The following ESR1 variants were observed in gnomAD, a reference collection of about 807,000 sequenced individuals.
ESR1 encodes the protein estrogen receptor.
Under a neutral mutation model 52.7 loss-of-function variants are expected in ESR1, and 12 were observed. The ratio of observed to expected loss-of-function variants is 0.23; its 90% CI spans 0.15 to 0.37. The LOEUF is 0.37. Ranked by LOEUF, ESR1 falls within the 10% of genes least tolerant of loss-of-function variation. The pLI, the probability that ESR1 is intolerant of heterozygous loss-of-function variation, is 1.00. For missense variants in ESR1, 584 were observed against 779.7 expected, an observed-to-expected ratio of 0.75 and a Z score of 2.99; for synonymous variants, 305 against 316.8, an observed-to-expected ratio of 0.96 and a Z score of 0.39.
At chr6:152,114,091 C>G (rs2051179043) in intron 6 of ESR1, among the ~76,000 whole-genome samples, 1 of 152,160 alleles carries the variant, frequency 6.6e-6, no homozygotes, top group African/African-American at 2.4e-5. Flanking sequence ...AACTGAGCCC[C>G]GTGCCCAAGC....
At chr6:151,952,711 G>T (rs949934894) in intron 4 of ESR1, among the ~76,000 whole-genome samples, 3 of 152,146 alleles carry the variant, frequency 2.0e-5, no homozygotes, top group Non-Finnish European at 4.4e-5. Flanking sequence ...GTTGCTGGAT[G>T]ATGAGTTTAT....
At position 151,929,130 on chromosome 6, in the gene ESR1, A is replaced by C. The variant is rs117254990; in HGVS notation, c.761-15043A>C. Reference sequence around the variant, plus strand: ...CTGTATTAATTTTCTGCCTGCTTGCACTAGCAATTACTGACAGCGGAATGG... The same window carrying C: ...CTGTATTAATTTTCTGCCTGCTTGCCCTAGCAATTACTGACAGCGGAATGG... On this transcript the variant is annotated intron_variant, in intron 3 of 7. Transcript: ENST00000206249. 4.9e-3 allele frequency among the ~76,000 whole-genome samples: 746 copies of C among 152,300 alleles called. 2 individuals carry two copies. The highest frequency in any genetic ancestry group is 8.5e-3 in the Non-Finnish European group (580 of 68,016).
chr6:151,699,316 A>C (rs1464498836), intron 1 of ESR1, among the ~76,000 whole-genome samples: 1 of 152,174 alleles, frequency 6.6e-6, no homozygotes, highest in African/African-American at 2.4e-5. Context: ...TGTTGATGGG[A>C]TTCCTAGAAT....
chr6:151,722,699 C>T (rs929721973), intron 2 of ESR1, among the ~76,000 whole-genome samples: 10 of 152,132 alleles, frequency 6.6e-5, no homozygotes, highest in Admixed American at 2.0e-4. Context: ...GATGTAAAGG[C>T]GTGTTGGGAG....
chr6:151,870,280 T>A (rs1215385974), intron 2 of ESR1, among the ~76,000 whole-genome samples: 1 of 152,154 alleles, frequency 6.6e-6, no homozygotes, highest in Non-Finnish European at 1.5e-5. Flanking sequence ...TGAATACTTT[T>A]TTTGGGTTAC....
chr6:151,831,146 CTTT>C (rs11296052), intron 1 of ESR1, among the ~76,000 whole-genome samples: 5 of 141,758 alleles, frequency 3.5e-5, no homozygotes, highest in African/African-American at 2.6e-5. Flanking sequence ...CTTTTCTTTT[CTTT>C]TTTTTTTTTT....
intron 1 of ESR1, among the ~76,000 whole-genome samples, chr6:151,842,053 A>T (rs929627051): frequency 6.6e-6 from 1 of 152,174 alleles, no homozygotes; most frequent in African/African-American, 2.4e-5. Context: ...TTGAATATTG[A>T]AGAACAGTAT....
At chr6:152,037,002 C>T (rs2045363695) in intron 5 of ESR1, among the ~76,000 whole-genome samples, 1 of 152,190 alleles carries the variant, frequency 6.6e-6, no homozygotes, top group African/African-American at 2.4e-5. Flanking sequence ...CAGAAATGGG[C>T]TTACTGTGTT....
intron 1 of ESR1, among the ~76,000 whole-genome samples, chr6:151,808,843 A>G (rs1351796783): frequency 6.6e-6 from 1 of 152,152 alleles, no homozygotes; most frequent in Non-Finnish European, 1.5e-5. Context: ...TGTGCTCCCC[A>G]AATTTCCTTT....
chr6:151,719,952 T>C (rs953135063), intron 2 of ESR1, among the ~76,000 whole-genome samples: 3 of 152,180 alleles, frequency 2.0e-5, no homozygotes, highest in African/African-American at 7.2e-5. Flanking sequence ...AGGATACTAG[T>C]CTGTTTAGAA....
chr6:151,940,638 T>C (rs2034944842), intron 3 of ESR1, among the ~76,000 whole-genome samples: 1 of 152,232 alleles, frequency 6.6e-6, no homozygotes, highest in Admixed American at 6.5e-5. Context: ...TTGATTTAAA[T>C]GTGACATCCT....
intron 2 of ESR1, among the ~76,000 whole-genome samples, chr6:151,725,991 G>C (rs992250201): frequency 6.6e-6 from 1 of 152,192 alleles, no homozygotes; most frequent in Admixed American, 6.5e-5. Flanking sequence ...GATTTGGGCA[G>C]ATAAAGAAAG....
chr6:151,819,922 C>T (rs1245452834), intron 1 of ESR1, among the ~76,000 whole-genome samples: 2 of 152,146 alleles, frequency 1.3e-5, no homozygotes, highest in African/African-American at 4.8e-5. Flanking sequence ...GCAAGCATTA[C>T]TGGATGTTGA....
chr6:151,958,914 T>C (rs771041493), intron 4 of ESR1, among the ~76,000 whole-genome samples: 2 of 152,048 alleles, frequency 1.3e-5, no homozygotes, highest in Non-Finnish European at 2.9e-5. Context: ...TCTTTGGGAT[T>C]CAAAGATGAT....
At chr6:152,084,719 AC>A (rs1463561004) in intron 6 of ESR1, among the ~76,000 whole-genome samples, 2 of 150,972 alleles carry the variant, frequency 1.3e-5, no homozygotes, top group African/African-American at 4.9e-5. Flanking sequence ...AAAAAAAAAA[AC>A]AGTTATTCAA....
rs188742382 is a variant in ESR1 at position 151,849,018 on chromosome 6, T to G, written c.643+6231T>G. On this transcript the variant is annotated intron_variant, in intron 2 of 7. Transcript: ENST00000206249. ...TTCCTCAGGATCTCAGCACATGTGG[T>G]TCCCTTTTTCCCTTTGCTTGAAATA... Among the ~76,000 whole-genome samples the G allele has an allele frequency of 4.4e-4, 67 of 152,190 alleles. No homozygotes were observed. In the East Asian group the frequency reaches 0.013, roughly 29 times the overall value.
intron 6 of ESR1, among the ~76,000 whole-genome samples, chr6:152,092,418 C>T (rs1472398321): frequency 6.6e-6 from 1 of 152,206 alleles, no homozygotes; most frequent in Non-Finnish European, 1.5e-5. Context: ...ACTCTGTTTA[C>T]TATGAGTTCC....
At chr6:151,704,358 C>A (rs1222893707) in intron 2 of ESR1, among the ~76,000 whole-genome samples, 1 of 152,174 alleles carries the variant, frequency 6.6e-6, no homozygotes, top group Non-Finnish European at 1.5e-5. Context: ...CCTGCCTCAG[C>A]CTCCCAAGTA....
chr6:151,863,215 T>G (rs1463581434), intron 2 of ESR1, among the ~76,000 whole-genome samples: 1 of 152,190 alleles, frequency 6.6e-6, no homozygotes, highest in Non-Finnish European at 1.5e-5. Context: ...TGGCATTGAA[T>G]CTATAAATTA....
Sources: allele counts gnomAD v4.1 joint callset (sites outside exome capture counted in the v4.1 genomes callset), GRCh38; gene constraint gnomAD v4.1.1; transcripts MANE v1.5; gene names NCBI Gene and HGNC (gene_info 2026-07-23, HGNC 2026-07-21).